Variants in NDUFS4 observed in about 807,000 individuals in gnomAD.
NDUFS4 encodes NADH:ubiquinone oxidoreductase subunit S4, also known as NADH dehydrogenase [ubiquinone] iron-sulfur protein 4, mitochondrial.
In NDUFS4, 28 loss-of-function variants were observed where a neutral mutation model predicts 24.3. The observed-to-expected ratio is 1.15, with a 90% confidence interval of 0.85 to 1.58. NDUFS4 has a LOEUF of 1.58. NDUFS4 is among the 40% of genes most tolerant of loss of function. The pLI is 0.00. For missense variants in NDUFS4, 223 were observed against 207.9 expected, an observed-to-expected ratio of 1.07 and a Z score of -0.45; for synonymous variants, 93 against 69.7, an observed-to-expected ratio of 1.34 and a Z score of -1.67.
chr5:53,635,552 T>A (rs1561377605), intron 2 of NDUFS4, among the ~76,000 whole-genome samples: 1 of 152,004 alleles, frequency 6.6e-6, no homozygotes, highest in Non-Finnish European at 1.5e-5. Context: ...TAAAAAAGAA[T>A]CCTGAAGTAT....
At chr5:53,579,313 A>G (rs1749481236) in intron 1 of NDUFS4, among the ~76,000 whole-genome samples, 1 of 152,240 alleles carries the variant, frequency 6.6e-6, no homozygotes, top group South Asian at 2.1e-4. Flanking sequence ...TATGTATCAT[A>G]TATATGTTAG....
intron 2 of NDUFS4, among the ~76,000 whole-genome samples, chr5:53,605,916 AGGCAGGAGAAT>A (rs1328340257): frequency 6.6e-6 from 1 of 151,148 alleles, no homozygotes; most frequent in Non-Finnish European, 1.5e-5. Context: ...GAGGAGGCTG[AGGCAGGAGAAT>A]GGCGTGAACC....
intron 4 of NDUFS4, among the ~76,000 whole-genome samples, chr5:53,664,017 G>C (rs926819463): frequency 5.9e-5 from 9 of 152,068 alleles, no homozygotes; most frequent in Non-Finnish European, 1.0e-4. Context: ...AGCTCTTTTA[G>C]GGCAGGCCTG....
At chr5:53,588,738 CT>C (rs769860545) in intron 1 of NDUFS4, among the ~76,000 whole-genome samples, 4 of 152,314 alleles carry the variant, frequency 2.6e-5, no homozygotes, top group Non-Finnish European at 5.9e-5. Flanking sequence ...AAGTATGCAA[CT>C]TGTACCAACT....
intron 4 of NDUFS4, among the ~76,000 whole-genome samples, chr5:53,666,500 A>G (rs1360106865): frequency 6.6e-6 from 1 of 152,264 alleles, no homozygotes; most frequent in African/African-American, 2.4e-5. Context: ...GTAGGCTAAC[A>G]GTGAATCAGG....
chr5:53,592,910 A>C (rs1579847743), intron 1 of NDUFS4, among the ~76,000 whole-genome samples: 1 of 152,144 alleles, frequency 6.6e-6, no homozygotes, highest in Admixed American at 6.5e-5. Context: ...CTGCTTGGTC[A>C]TGGTATATAA....
rs1274208148 is a variant in NDUFS4, at chr5:53,646,326, G to A, written c.271G>A (p.Val91Ile). The change falls in exon 3 of 5, where the codon GTA (valine) becomes ATA (isoleucine). Residue 91 changes from valine (V) to isoleucine (I), a missense_variant. By Grantham distance (29) the Val-to-Ile change is conservative. Coordinates refer to ENST00000296684, the MANE Select transcript of NDUFS4 (RefSeq NM_002495.4). ...VPARNNMQSG[V>I]NNTKKWKMEF... ...TGCTCGCAATAACATGCAGTCTGGAGTAAACAACACAAAGAAATGGAAGAT... is the reference window on the plus strand; with the variant it reads ...TGCTCGCAATAACATGCAGTCTGGAATAAACAACACAAAGAAATGGAAGAT... 6.2e-7 allele frequency: 1 copy of A among 1,613,676 alleles called. No individual in the cohort carries two copies. Among genetic ancestry groups the A allele is most frequent in the Non-Finnish European group, 8.5e-7 (1 of 1,179,798 alleles).
At chr5:53,643,490 C>G (rs1327480620) in intron 2 of NDUFS4, among the ~76,000 whole-genome samples, 2 of 152,078 alleles carry the variant, frequency 1.3e-5, no homozygotes, top group African/African-American at 4.8e-5. Flanking sequence ...GTTGAAGACA[C>G]AAGTAGAGTT....
chr5:53,620,570 G>A (rs1257530999), intron 2 of NDUFS4, among the ~76,000 whole-genome samples: 1 of 152,106 alleles, frequency 6.6e-6, no homozygotes, highest in Non-Finnish European at 1.5e-5. Flanking sequence ...TGCTACATTA[G>A]TACCACTGTT....
At position 53,616,959 on chromosome 5, in the gene NDUFS4, T is replaced by C. The variant is rs184430189; in HGVS notation, c.177+13429T>C. On this transcript the variant is annotated intron_variant, in intron 2 of 4. Transcript: ENST00000296684. Reference sequence around the variant, plus strand: ...TTTTTCTATTAAAGAATCTTCTGAATTTGAAATTGCTTTTTGAGAAAGGCA... The same window carrying C: ...TTTTTCTATTAAAGAATCTTCTGAACTTGAAATTGCTTTTTGAGAAAGGCA... Among the ~76,000 whole-genome samples, 26 of 152,290 alleles carry C rather than the reference T, an allele frequency of 1.7e-4. No individual in the cohort carries two copies. The East Asian group carries it at 5.0e-3, about 29-fold the overall frequency.
chr5:53,654,687 C>T (rs968042438), intron 3 of NDUFS4, among the ~76,000 whole-genome samples: 3 of 152,068 alleles, frequency 2.0e-5, no homozygotes, highest in African/African-American at 4.8e-5. Context: ...CTAAGCTTCC[C>T]GAGAAGAAAC....
At chr5:53,605,879 C>T (rs193001670) in intron 2 of NDUFS4, among the ~76,000 whole-genome samples, 2,092 of 151,998 alleles carry the variant, frequency 0.014, 72 homozygotes, top group Admixed American at 0.075. Flanking sequence ...CTGGGCGTGG[C>T]GGTGTGTGTC....
At chr5:53,601,152 C>T (rs886419855) in intron 1 of NDUFS4, among the ~76,000 whole-genome samples, 6 of 151,976 alleles carry the variant, frequency 3.9e-5, no homozygotes, top group African/African-American at 1.2e-4. Context: ...TACAGGGGCC[C>T]GCTGCTACGC....
rs183654702 is a variant in NDUFS4 at position 53,619,443 on chromosome 5, C to T, written c.177+15913C>T. ...CGGAGGTTGCAGTGAGCCAAGATGG[C>T]GCCACTGCACTCCAGCCTGGGTGAC... On this transcript the variant is annotated intron_variant, in intron 2 of 4. Transcript: ENST00000296684. 1.8e-3 allele frequency among the ~76,000 whole-genome samples: 248 copies of T among 141,146 alleles called. 1 individual carries two copies. Among genetic ancestry groups the T allele is most frequent in the African/African-American group, 6.0e-3 (226 of 37,534 alleles). 92.6% of individuals were successfully genotyped at this position (141,146 alleles called of 152,430 possible).
At chr5:53,682,974 G>A in intron 4 of NDUFS4, 144 bp from the exon 5 acceptor site, 1 of 728,590 alleles carries the variant, frequency 1.4e-6, no homozygotes. Context: ...CAAATAGTAA[G>A]TATATCTCAG....
At chr5:53,664,538 T>G (rs1011207015) in intron 4 of NDUFS4, among the ~76,000 whole-genome samples, 1 of 152,174 alleles carries the variant, frequency 6.6e-6, no homozygotes, top group Non-Finnish European at 1.5e-5. Context: ...TTCTTTTTAT[T>G]CTTTTTTCTC....
chr5:53,677,514 C>CTGTA (rs1319410551), intron 4 of NDUFS4, among the ~76,000 whole-genome samples: 1 of 152,158 alleles, frequency 6.6e-6, no homozygotes, highest in Non-Finnish European at 1.5e-5. Context: ...TTACCCCCTA[C>CTGTA]TGTACCCCAC....
chr5:53,613,609 T>A (rs1750761682), intron 2 of NDUFS4, among the ~76,000 whole-genome samples: 1 of 151,580 alleles, frequency 6.6e-6, no homozygotes, highest in South Asian at 2.1e-4. Context: ...ATAGTTTTTT[T>A]TTTTTTACAA....
intron 1 of NDUFS4, among the ~76,000 whole-genome samples, chr5:53,572,856 G>T (rs1305489833): frequency 2.0e-5 from 3 of 151,832 alleles, no homozygotes; most frequent in Admixed American, 2.0e-4. Flanking sequence ...ATGTTGGCCA[G>T]GCTGGTCTCG....
Sources: allele counts gnomAD v4.1 joint callset (sites outside exome capture counted in the v4.1 genomes callset), GRCh38; gene constraint gnomAD v4.1.1; transcripts MANE v1.5; gene names NCBI Gene and HGNC (gene_info 2026-07-23, HGNC 2026-07-21).